The following CPE variants were observed in gnomAD, a reference collection of about 807,000 sequenced individuals.
The protein encoded by CPE is carbocypeptidase E.
CPE carries 17 observed loss-of-function variants against 53.5 expected under a neutral mutation model. The observed-to-expected ratio is 0.32, with a 90% CI of 0.22 to 0.48. The LOEUF is 0.48. Ranked by LOEUF, CPE falls within the 20% of genes least tolerant of loss-of-function variation. The probability of loss-of-function intolerance (pLI) is 0.99; values close to 1 mark genes in which losing one functional copy is unlikely to be tolerated. For synonymous variants in CPE, 226 were observed against 228.8 expected, an observed-to-expected ratio of 0.99 and a Z score of 0.11; for missense variants, 524 against 614.7, an observed-to-expected ratio of 0.85 and a Z score of 1.56.
At chr4:165,491,658 T>C (rs1406950565) in intron 6 of CPE, among the ~76,000 whole-genome samples, 1 of 152,230 alleles carries the variant, frequency 6.6e-6, no homozygotes, top group Non-Finnish European at 1.5e-5. Flanking sequence ...GCCAATAAAA[T>C]GATCATTATT....
intron 1 of CPE, among the ~76,000 whole-genome samples, chr4:165,436,184 G>GCA (rs898479047): frequency 4.8e-4 from 62 of 127,852 alleles, no homozygotes; most frequent in African/African-American, 1.6e-3. Context: ...GCATTTCCCA[G>GCA]CACACATACA....
chr4:165,491,750 G>A (rs955909921), intron 6 of CPE, among the ~76,000 whole-genome samples: 2 of 151,538 alleles, frequency 1.3e-5, no homozygotes, highest in Non-Finnish European at 2.9e-5. Context: ...AAGAAAAATG[G>A]CACACACAAA....
chr4:165,395,023 C>T (rs149056984), intron 1 of CPE, among the ~76,000 whole-genome samples: 160 of 152,164 alleles, frequency 1.1e-3, no homozygotes, highest in Middle Eastern at 3.4e-3. Context: ...ATATGATATA[C>T]GTGTGAATGA....
At chr4:165,475,899 G>C (rs1732291183) in intron 3 of CPE, among the ~76,000 whole-genome samples, 1 of 152,108 alleles carries the variant, frequency 6.6e-6, no homozygotes, top group South Asian at 2.1e-4. Context: ...TCTAGTGGTT[G>C]GTCAGTAAGC....
rs1398229944 is a variant in CPE at position 165,464,524 on chromosome 4, A to G, written c.442A>G (p.Ser148Gly). The G allele has an allele frequency of 6.2e-6, 10 of 1,613,820 alleles. No individual in the cohort carries two copies. The Admixed American group carries it at 8.3e-5, about 13-fold the overall frequency. ...CGAGACAATTGTCAACCTGATCCAC[A>G]GTACCCGCATTCACATCATGCCTTC... The part of the protein sequence containing the change: ...GNETIVNLIH[S>G]TRIHIMPSLN... The change falls in exon 2 of 9, where the codon AGT becomes GGT. Residue 148 changes from serine (S) to glycine (G), a missense_variant. Coordinates refer to ENST00000402744, the MANE Select transcript of CPE (RefSeq NM_001873.4).
chr4:165,456,985 C>T (rs1457210299), intron 1 of CPE, among the ~76,000 whole-genome samples: 11 of 152,020 alleles, frequency 7.2e-5, no homozygotes, highest in Admixed American at 5.2e-4. Flanking sequence ...GTGATCCACC[C>T]GCCACTGCCT....
At chr4:165,459,042 C>A (rs1731949746) in intron 1 of CPE, among the ~76,000 whole-genome samples, 1 of 152,196 alleles carries the variant, frequency 6.6e-6, no homozygotes, top group African/African-American at 2.4e-5. Context: ...TGCTAACTTG[C>A]CTCCAGCTTC....
intron 1 of CPE, among the ~76,000 whole-genome samples, chr4:165,454,058 T>G (rs188324633): frequency 3.3e-5 from 5 of 152,294 alleles, no homozygotes; most frequent in African/African-American, 1.2e-4. Flanking sequence ...GCATTGCCTA[T>G]TTCCATGGTG....
intron 2 of CPE, among the ~76,000 whole-genome samples, chr4:165,466,624 T>C (rs10005507): frequency 0.73 from 111,248 of 151,992 alleles, 40,977 homozygotes; most frequent in African/African-American, 0.8. Flanking sequence ...TCAAGCTATT[T>C]TCCTGCCTCA....
chr4:165,426,568 C>T (rs182744244), intron 1 of CPE, among the ~76,000 whole-genome samples: 1 of 152,112 alleles, frequency 6.6e-6, no homozygotes, highest in Non-Finnish European at 1.5e-5. Context: ...CTTTCAGTGG[C>T]CTATTTTATG....
chr4:165,482,624 A>G (rs1056564813), intron 4 of CPE, among the ~76,000 whole-genome samples: 13 of 152,218 alleles, frequency 8.5e-5, no homozygotes, highest in Admixed American at 5.9e-4. Flanking sequence ...AAGGGAGAAA[A>G]CACACGTCAT....
chr4:165,436,739 A>G (rs999678724), intron 1 of CPE, among the ~76,000 whole-genome samples: 3 of 152,202 alleles, frequency 2.0e-5, no homozygotes. Context: ...CCTGGGCTCA[A>G]GTGATCCTCC....
At chr4:165,426,341 A>G (rs527937396) in intron 1 of CPE, among the ~76,000 whole-genome samples, 25 of 152,340 alleles carry the variant, frequency 1.6e-4, no homozygotes, top group African/African-American at 4.8e-4. Context: ...AAACAGGAAA[A>G]ATGTTAAGTC....
At chr4:165,431,973 T>C (rs1172748883) in intron 1 of CPE, among the ~76,000 whole-genome samples, 1 of 151,780 alleles carries the variant, frequency 6.6e-6, no homozygotes, top group African/African-American at 2.4e-5. Context: ...CTTTTCCTCT[T>C]ACCCCACCCT....
intron 5 of CPE, among the ~76,000 whole-genome samples, chr4:165,485,624 T>C (rs1732494135): frequency 1.3e-5 from 2 of 152,208 alleles, no homozygotes; most frequent in Admixed American, 1.3e-4. Flanking sequence ...ACTTTAGTTT[T>C]TATAAAAACT....
At chr4:165,387,340 A>G (rs1730609871) in intron 1 of CPE, among the ~76,000 whole-genome samples, 1 of 152,202 alleles carries the variant, frequency 6.6e-6, no homozygotes. Context: ...ACTGGTAAAT[A>G]TTTTGTTTTC....
chr4:165,395,046 T>C (rs1326949376), intron 1 of CPE, among the ~76,000 whole-genome samples: 2 of 152,238 alleles, frequency 1.3e-5, no homozygotes, highest in East Asian at 3.8e-4. Context: ...TTTTTTTGTT[T>C]TGATTTTTGT....
At chr4:165,494,157 C>T (rs914110699) in intron 7 of CPE, among the ~76,000 whole-genome samples, 2 of 152,178 alleles carry the variant, frequency 1.3e-5, no homozygotes, top group Non-Finnish European at 2.9e-5. Context: ...AGGTGCCAGC[C>T]AGTATGCCAG....
chr4:165,497,211 C>T (rs973835594), intron 8 of CPE, among the ~76,000 whole-genome samples: 2 of 152,212 alleles, frequency 1.3e-5, no homozygotes, highest in South Asian at 2.1e-4. Context: ...TGAGCCACCG[C>T]GCCTGGCCAG....
Sources: gnomAD v4.1 joint callset for allele counts (sites outside exome capture counted in the v4.1 genomes callset) on GRCh38, gnomAD v4.1.1 for gene constraint, MANE v1.5 for transcripts, NCBI Gene and HGNC (gene_info 2026-07-23, HGNC 2026-07-21) for gene names.